Variants in AFAP1L2 observed in about 807,000 individuals in gnomAD.
AFAP1L2 encodes actin filament associated protein 1 like 2, also known as actin filament-associated protein 1-like 2.
In AFAP1L2, 46 loss-of-function variants were observed where a neutral mutation model predicts 99.3. The ratio of observed to expected loss-of-function variants is 0.46; its 90% CI spans 0.37 to 0.59. The LOEUF is 0.59. Ranked by LOEUF, AFAP1L2 falls within the 20% of genes least tolerant of loss-of-function variation. The pLI is 0.00. For missense variants in AFAP1L2, 959 were observed against 1,034.9 expected, an observed-to-expected ratio of 0.93 and a Z score of 1.01; for synonymous variants, 397 against 419.1, an observed-to-expected ratio of 0.95 and a Z score of 0.64.
intron 11 of AFAP1L2, 103 bp from the exon 12 acceptor site, chr10:114,302,587 C>T: frequency 1.4e-6 from 2 of 1,453,722 alleles, no homozygotes; most frequent in Admixed American, 2.0e-5. Context: ...TGAGCCTGCC[C>T]ACGAAAGCCT....
the AFAP1L2 span, chr10:114,284,796 C>A: frequency 1.4e-6 from 2 of 1,469,160 alleles, no homozygotes; most frequent in Non-Finnish European, 1.8e-6. Context: ...GCACCCACAC[C>A]TCTGGCCAGT....
chr10:114,368,806 ACACACACAC>A (rs2053666835), intron 1 of AFAP1L2, among the ~76,000 whole-genome samples: 1 of 147,600 alleles, frequency 6.8e-6, no homozygotes, highest in Non-Finnish European at 1.5e-5. Flanking sequence ...ACACACACAC[ACACACACAC>A]AGAGTAACTA....
chr10:114,372,006 C>T (rs181421980), intron 1 of AFAP1L2, among the ~76,000 whole-genome samples: 26 of 152,230 alleles, frequency 1.7e-4, no homozygotes, highest in African/African-American at 5.8e-4. Flanking sequence ...CCATGGGAAC[C>T]ACTACATTAA....
intron 1 of AFAP1L2, among the ~76,000 whole-genome samples, chr10:114,379,915 A>G (rs1405447207): frequency 6.6e-6 from 1 of 152,186 alleles, no homozygotes; most frequent in Non-Finnish European, 1.5e-5. Flanking sequence ...TGATGATTTC[A>G]TTGGTTGCGA....
At chr10:114,339,751 C>G (rs910496954) in intron 2 of AFAP1L2, among the ~76,000 whole-genome samples, 1 of 152,006 alleles carries the variant, frequency 6.6e-6, no homozygotes, top group African/African-American at 2.4e-5. Context: ...TGGTGGCTTA[C>G]GCCTGTAATC....
At chr10:114,297,173 C>T (rs1209873954) in intron 17 of AFAP1L2, 47 bp downstream of exon 17, 7 of 1,213,986 alleles carry the variant, frequency 5.8e-6, no homozygotes, top group Non-Finnish European at 8.0e-6. Flanking sequence ...CAACCCATGT[C>T]CAGGGAGCCC....
chr10:114,325,898 T>G (rs66796658), intron 4 of AFAP1L2: 25,206 of 1,288,558 alleles, frequency 0.02, 412 homozygotes, highest in South Asian at 0.06. Flanking sequence ...GGCAGTAAGG[T>G]CTCCCCAGTG....
At chr10:114,281,856 G>T in the AFAP1L2 span, 1 of 623,910 alleles carries the variant, frequency 1.6e-6, no homozygotes, top group African/African-American at 2.0e-5. Flanking sequence ...TAACATGTCT[G>T]TGGTCACACA....
chr10:114,386,782 A>T (rs1392391192), intron 1 of AFAP1L2, among the ~76,000 whole-genome samples: 2 of 152,204 alleles, frequency 1.3e-5, no homozygotes, highest in Non-Finnish European at 2.9e-5. Context: ...CCCCAGGCAG[A>T]TGTTCTTCTA....
chr10:114,382,854 C>T (rs1200983359), intron 1 of AFAP1L2, among the ~76,000 whole-genome samples: 1 of 152,090 alleles, frequency 6.6e-6, no homozygotes, highest in Non-Finnish European at 1.5e-5. Flanking sequence ...CTCAGCCTCC[C>T]AAAATGCTAG....
chr10:114,343,863 C>T lies in AFAP1L2; in HGVS notation c.17-3132G>A, dbSNP rs139618563. On this transcript the variant is annotated intron_variant, in intron 1 of 18. Coordinates refer to ENST00000304129, the MANE Select transcript of AFAP1L2 (RefSeq NM_001001936.3). ...TGCTCACCAAGGGCCAAGAGCCGCACTGCCAGCATCACCACACCCTCATCC... is the reference window on the plus strand; with the variant it reads ...TGCTCACCAAGGGCCAAGAGCCGCATTGCCAGCATCACCACACCCTCATCC... Among the ~76,000 whole-genome samples, 22 of 152,340 alleles carry T rather than the reference C, an allele frequency of 1.4e-4. No individual in the cohort carries two copies. In the East Asian group the frequency reaches 3.3e-3, roughly 23 times the overall value.
chr10:114,323,048 C>T (rs985251776), intron 5 of AFAP1L2, 123 bp downstream of exon 5: 31 of 851,938 alleles, frequency 3.6e-5, no homozygotes, highest in South Asian at 1.2e-4. Context: ...GTCACAGCAG[C>T]CCAGACTACC....
chr10:114,371,935 A>G (rs2054170858), intron 1 of AFAP1L2, among the ~76,000 whole-genome samples: 1 of 152,156 alleles, frequency 6.6e-6, no homozygotes, highest in Non-Finnish European at 1.5e-5. Context: ...TGTATGGATA[A>G]TATGGGTGAG....
chr10:114,325,586 C>T (rs7087108), intron 4 of AFAP1L2, among the ~76,000 whole-genome samples: 2,847 of 152,292 alleles, frequency 0.019, 97 homozygotes, highest in African/African-American at 0.066. Context: ...TAAGCAAACC[C>T]GACACTGTAC....
intron 1 of AFAP1L2, among the ~76,000 whole-genome samples, chr10:114,357,876 T>G (rs993741911): frequency 1.3e-5 from 2 of 152,218 alleles, no homozygotes; most frequent in African/African-American, 2.4e-5. Flanking sequence ...AGGGGCTTAT[T>G]TGCAGTGTGT....
chr10:114,380,099 T>C (rs2055408010), intron 1 of AFAP1L2, among the ~76,000 whole-genome samples: 1 of 152,212 alleles, frequency 6.6e-6, no homozygotes, highest in Non-Finnish European at 1.5e-5. Context: ...AGGTTCTCAA[T>C]GGCAATTTAG....
At chr10:114,291,576 C>T (rs1403134133), downstream of AFAP1L2, 1 of 276,938 alleles carries the variant, frequency 3.6e-6, no homozygotes, top group Non-Finnish European at 6.8e-6. Context: ...AACAAGGGGT[C>T]CTGAAGACTT....
At chr10:114,313,749 G>T in intron 7 of AFAP1L2, 122 bp downstream of exon 7, 1 of 1,034,928 alleles carries the variant, frequency 9.7e-7, no homozygotes, top group Non-Finnish European at 1.3e-6. Flanking sequence ...TTAGAACACA[G>T]GAAGCCCTGC....
chr10:114,319,054 G>A (rs529030057), intron 5 of AFAP1L2, among the ~76,000 whole-genome samples: 9 of 152,140 alleles, frequency 5.9e-5, no homozygotes, highest in African/African-American at 2.2e-4. Context: ...CTTGGGAGGC[G>A]GAGACAGGAG....
Sources: allele counts gnomAD v4.1 joint callset (sites outside exome capture counted in the v4.1 genomes callset), GRCh38; gene constraint gnomAD v4.1.1; transcripts MANE v1.5; gene names NCBI Gene and HGNC (gene_info 2026-07-23, HGNC 2026-07-21).